Variants in HMGA2 observed in about 807,000 individuals in gnomAD.
HMGA2 encodes the protein high mobility group protein HMGI-C.
A neutral mutation model predicts 19.1 loss-of-function variants in HMGA2; 8 were observed. That is an observed-to-expected ratio of 0.42 (90% CI 0.25 to 0.76). HMGA2 has a LOEUF of 0.76. Ranked by LOEUF, HMGA2 falls within the 30% of genes least tolerant of loss-of-function variation. The pLI is 0.28. For synonymous variants in HMGA2, 60 were observed against 48.8 expected, an observed-to-expected ratio of 1.23 and a Z score of -0.96; for missense variants, 109 against 136.3, an observed-to-expected ratio of 0.80 and a Z score of 1.00.
At chr12:65,932,299 A>T (rs767820100) in intron 3 of HMGA2, among the ~76,000 whole-genome samples, 10 of 152,224 alleles carry the variant, frequency 6.6e-5, no homozygotes, top group African/African-American at 9.6e-5. Flanking sequence ...AATGTGCATG[A>T]TATGTGTGTC....
rs148033760 is a variant in HMGA2 at position 65,924,929 on chromosome 12, T to C, written c.250-26454T>C. On this transcript the variant is annotated intron_variant, in intron 3 of 4. Coordinates refer to ENST00000403681, the MANE Select transcript of HMGA2 (RefSeq NM_003483.6). ...CTGCCGTTCTGTCATATTTCTAGAG[T>C]GGGGCTGGCAATAAAACTATCAGAG... 5.9e-5 allele frequency among the ~76,000 whole-genome samples: 9 copies of C among 152,232 alleles called. No homozygotes were observed. The East Asian group carries it at 1.2e-3, about 20-fold the overall frequency.
At position 65,964,791 on chromosome 12, in the gene HMGA2, C is replaced by A. The variant is rs1042729; in HGVS notation, c.*1499C>A. On this transcript the variant is annotated 3_prime_UTR_variant, in exon 5 of 5. Transcript: ENST00000403681. ...TTTCAGCTTCTCTGCTAGATTTCTACATTAACTTGAAAATTTTTTAACCAA... is the reference window on the plus strand; with the variant it reads ...TTTCAGCTTCTCTGCTAGATTTCTAAATTAACTTGAAAATTTTTTAACCAA... The A allele has an allele frequency of 0.042, 8,111 of 194,746 alleles. 208 individuals are homozygous for A. Among genetic ancestry groups the A allele is most frequent in the Middle Eastern group, 0.058 (33 of 568 alleles). 12.1% of individuals were successfully genotyped at this position (194,746 alleles called of 1,614,324 possible).
At chr12:65,889,869 A>G (rs1056370043) in intron 3 of HMGA2, among the ~76,000 whole-genome samples, 6 of 152,174 alleles carry the variant, frequency 3.9e-5, no homozygotes, top group Non-Finnish European at 7.3e-5. Flanking sequence ...TCAGAATTGT[A>G]CTGTTTTGCT....
At chr12:65,827,368 A>G (rs1361047916) in intron 1 of HMGA2, among the ~76,000 whole-genome samples, 2 of 152,230 alleles carry the variant, frequency 1.3e-5, no homozygotes, top group African/African-American at 2.4e-5. Flanking sequence ...GAAGCAATTA[A>G]CTAGATGATT....
chr12:65,965,719 G>A lies in HMGA2; in HGVS notation c.*2427G>A, dbSNP rs1876888498. 1 of 222,962 alleles carries A rather than the reference G, an allele frequency of 4.5e-6. No individual in the cohort carries two copies. The highest frequency in any genetic ancestry group is 6.5e-5 in the East Asian group (1 of 15,390). The allele number at this position is 222,962 out of a possible 1,614,324, so 13.8% of individuals were successfully genotyped here. A position where few individuals can be genotyped will look rare whatever the true frequency, so the allele number is the denominator to read the frequency against. On this transcript the variant is annotated 3_prime_UTR_variant, in exon 5 of 5. Coordinates refer to ENST00000403681, the MANE Select transcript of HMGA2 (RefSeq NM_003483.6). ...GCCAGCTCATAAAATGGAAGCAATT[G>A]CTCATGTTGGCCAAACATGGTGCAC...
intron 3 of HMGA2, among the ~76,000 whole-genome samples, chr12:65,850,376 C>G (rs1871408735): frequency 6.6e-6 from 1 of 152,094 alleles, no homozygotes; most frequent in Non-Finnish European, 1.5e-5. Context: ...ACACTAAACT[C>G]ACTTGTACTG....
At chr12:65,915,441 A>G in intron 3 of HMGA2, 3 of 1,260,252 alleles carry the variant, frequency 2.4e-6, no homozygotes, top group Non-Finnish European at 2.0e-6. Context: ...AACTCCAGTT[A>G]CTCTCGTACA....
intron 3 of HMGA2, among the ~76,000 whole-genome samples, chr12:65,872,790 T>G (rs1167736844): frequency 6.6e-6 from 1 of 152,164 alleles, no homozygotes; most frequent in Non-Finnish European, 1.5e-5. Flanking sequence ...AACAGACACT[T>G]TATCACTCTC....
chr12:65,958,370 T>C (rs1876659833), intron 4 of HMGA2: 1 of 152,238 alleles, frequency 6.6e-6, no homozygotes, highest in Non-Finnish European at 1.5e-5. Context: ...CCCTTGCTCT[T>C]GCCAGGTTAT....
intron 3 of HMGA2, chr12:65,866,958 G>C (rs768902815): frequency 2.2e-6 from 1 of 456,774 alleles, no homozygotes; most frequent in South Asian, 1.5e-5. Flanking sequence ...CTTGACACTG[G>C]TAGAGAGAGA....
intron 3 of HMGA2, chr12:65,882,007 C>T: frequency 2.9e-6 from 2 of 683,016 alleles, no homozygotes; most frequent in Non-Finnish European, 2.7e-6. Flanking sequence ...GGCGGTCAGT[C>T]GCTGGCATGG....
At chr12:65,874,657 C>G (rs1035723952) in intron 3 of HMGA2, among the ~76,000 whole-genome samples, 1 of 152,064 alleles carries the variant, frequency 6.6e-6, no homozygotes, top group Admixed American at 6.6e-5. Context: ...CTGATTTACC[C>G]GCAGAACCAC....
chr12:65,904,811 G>T (rs1440495640), intron 3 of HMGA2, among the ~76,000 whole-genome samples: 1 of 152,070 alleles, frequency 6.6e-6, no homozygotes, highest in Non-Finnish European at 1.5e-5. Flanking sequence ...GGAGGCCGAG[G>T]TGGGCAGATC....
intron 3 of HMGA2, among the ~76,000 whole-genome samples, chr12:65,873,528 C>T (rs989327286): frequency 6.6e-6 from 1 of 152,074 alleles, no homozygotes; most frequent in African/African-American, 2.4e-5. Context: ...GGAGAGATGT[C>T]CAGTGTCACT....
Position 65,868,354 on chromosome 12 carries a change from G to A in HMGA2, c.249+29785G>A, listed in dbSNP as rs564180429. On this transcript the variant is annotated intron_variant, in intron 3 of 4. Transcript: ENST00000403681. The stretch of plus-strand genomic sequence containing the variant: ...AATGCCATTTTCATTTGTTCTTAGA[G>A]TTCAGAACATGTCAAAGAGCTTCTT... 2.0e-5 allele frequency among the ~76,000 whole-genome samples: 3 copies of A among 151,876 alleles called. No homozygotes were observed. In the South Asian group the frequency reaches 6.2e-4, roughly 32 times the overall value.
intron 3 of HMGA2, among the ~76,000 whole-genome samples, chr12:65,862,737 A>G (rs1228771106): frequency 6.6e-6 from 1 of 152,198 alleles, no homozygotes; most frequent in Admixed American, 6.5e-5. Flanking sequence ...GAAGTTTAGG[A>G]GAGGGAGCTG....
chr12:65,886,231 A>C (rs1216679350), intron 3 of HMGA2, among the ~76,000 whole-genome samples: 1 of 152,210 alleles, frequency 6.6e-6, no homozygotes, highest in Non-Finnish European at 1.5e-5. Context: ...TTAAGAGGTT[A>C]AGAGACTGAG....
intron 3 of HMGA2, chr12:65,867,716 G>C (rs570392140): frequency 1.3e-4 from 31 of 230,884 alleles, no homozygotes; most frequent in African/African-American, 6.6e-4. Flanking sequence ...AAGAACTTTG[G>C]ATGGAGTTTT....
chr12:65,910,993 T>A (rs181654864), intron 3 of HMGA2, among the ~76,000 whole-genome samples: 2 of 152,294 alleles, frequency 1.3e-5, no homozygotes, highest in Non-Finnish European at 2.9e-5. Context: ...TTCACCTTTA[T>A]CCTTTCAGCA....
Sources: allele counts gnomAD v4.1 joint callset (sites outside exome capture counted in the v4.1 genomes callset), GRCh38; gene constraint gnomAD v4.1.1; transcripts MANE v1.5; gene names NCBI Gene and HGNC (gene_info 2026-07-23, HGNC 2026-07-21).